Variants in CREB3L2 observed in about 807,000 individuals in gnomAD.
CREB3L2 encodes cAMP responsive element binding protein 3 like 2, also known as cyclic AMP-responsive element-binding protein 3-like protein 2.
In CREB3L2, 23 loss-of-function variants were observed where a neutral mutation model predicts 57.2. The observed-to-expected ratio is 0.40, with a 90% CI of 0.29 to 0.57. The LOEUF is 0.57. Among genes scored for constraint, CREB3L2 ranks in the 20% least tolerant of loss-of-function variants. The pLI is 0.42. For synonymous variants in CREB3L2, 268 were observed against 265.1 expected, an observed-to-expected ratio of 1.01 and a Z score of -0.11; for missense variants, 628 against 634.7, an observed-to-expected ratio of 0.99 and a Z score of 0.11.
chr7:137,877,449 T>C lies in CREB3L2; in HGVS notation c.*3027A>G, dbSNP rs887924890. The C allele has an allele frequency of 1.1e-4, 26 of 226,384 alleles. No individual in the cohort carries two copies. The highest frequency in any genetic ancestry group is 1.3e-3 in the Middle Eastern group (1 of 776). 14.0% of individuals were successfully genotyped at this position (226,384 alleles called of 1,614,324 possible). On this transcript the variant is annotated 3_prime_UTR_variant, in exon 12 of 12. Coordinates refer to ENST00000330387, the MANE Select transcript of CREB3L2 (RefSeq NM_194071.4). ...CTTCACAGAAATTCTTTCTTAAAAC[T>C]GGCACTGCAGCCTTTCATTTACAAT...
intron 1 of CREB3L2, among the ~76,000 whole-genome samples, chr7:137,996,576 G>A (rs1050297240): frequency 5.3e-5 from 8 of 152,272 alleles, no homozygotes; most frequent in South Asian, 2.1e-4. Context: ...CTTCAATATC[G>A]CATTGAAATC....
intron 1 of CREB3L2, among the ~76,000 whole-genome samples, chr7:137,935,642 A>G (rs772354155): frequency 6.6e-6 from 1 of 152,166 alleles, no homozygotes; most frequent in Non-Finnish European, 1.5e-5. Flanking sequence ...CAGATCAGAG[A>G]TCATAGATCG....
intron 1 of CREB3L2, among the ~76,000 whole-genome samples, chr7:137,995,339 T>TTTTTTTC (rs1219750640): frequency 8.1e-6 from 1 of 123,222 alleles, no homozygotes; most frequent in African/African-American, 3.1e-5. Context: ...CTTTCTTTTT[T>TTTTTTTC]TTTTTTTTTT....
chr7:137,885,257 G>T, intron 9 of CREB3L2, 136 bp from the exon 10 acceptor site: 1 of 1,190,892 alleles, frequency 8.4e-7, no homozygotes, highest in Non-Finnish European at 1.2e-6. Flanking sequence ...CATCACCAGA[G>T]TGCCTCACCG....
intron 1 of CREB3L2, among the ~76,000 whole-genome samples, chr7:137,933,308 C>T (rs1800698457): frequency 6.6e-6 from 1 of 152,222 alleles, no homozygotes; most frequent in Non-Finnish European, 1.5e-5. Flanking sequence ...TCCCGATCTG[C>T]TGTGCTGGCC....
intron 1 of CREB3L2, among the ~76,000 whole-genome samples, chr7:137,954,528 C>G (rs1801169729): frequency 6.6e-6 from 1 of 152,184 alleles, no homozygotes; most frequent in South Asian, 2.1e-4. Context: ...TCATCAGGAG[C>G]ACTGCAGGCA....
At chr7:137,956,905 G>A (rs1178562512) in intron 1 of CREB3L2, among the ~76,000 whole-genome samples, 1 of 152,214 alleles carries the variant, frequency 6.6e-6, no homozygotes, top group Non-Finnish European at 1.5e-5. Context: ...AATTAACCCA[G>A]TAGTGAAGAG....
At chr7:137,930,348 C>T (rs1030160385) in intron 1 of CREB3L2, among the ~76,000 whole-genome samples, 1 of 152,174 alleles carries the variant, frequency 6.6e-6, no homozygotes, top group Non-Finnish European at 1.5e-5. Context: ...AGAAAGCAGA[C>T]ACAGCAATAA....
intron 1 of CREB3L2, among the ~76,000 whole-genome samples, chr7:137,984,513 G>A (rs1426643994): frequency 6.6e-6 from 1 of 152,230 alleles, no homozygotes; most frequent in African/African-American, 2.4e-5. Context: ...GAAGGGCCCC[G>A]TTGGCCCTGA....
intron 4 of CREB3L2, 143 bp downstream of exon 4, chr7:137,912,848 A>AT (rs750228624): frequency 6.5e-7 from 1 of 1,529,556 alleles, no homozygotes; most frequent in South Asian, 1.2e-5. Flanking sequence ...CAAAATTTTT[A>AT]TTTTTTAAGA....
At chr7:137,924,380 A>G (rs1261734990) in intron 2 of CREB3L2, among the ~76,000 whole-genome samples, 1 of 152,238 alleles carries the variant, frequency 6.6e-6, no homozygotes, top group East Asian at 1.9e-4. Context: ...GCCCTCATCC[A>G]GCACTAGTTT....
chr7:137,962,180 A>G (rs1293963155), intron 1 of CREB3L2, among the ~76,000 whole-genome samples: 1 of 152,188 alleles, frequency 6.6e-6, no homozygotes, highest in Non-Finnish European at 1.5e-5. Context: ...AAACTCATGA[A>G]GCAGCACAGA....
chr7:137,950,202 G>A (rs925183161), intron 1 of CREB3L2, among the ~76,000 whole-genome samples: 1 of 152,322 alleles, frequency 6.6e-6, no homozygotes, highest in Non-Finnish European at 1.5e-5. Context: ...TGGTGAAAAT[G>A]TGGGTGGTTT....
chr7:137,916,293 C>A (rs1292808359), intron 2 of CREB3L2, among the ~76,000 whole-genome samples: 1 of 151,972 alleles, frequency 6.6e-6, no homozygotes, highest in Non-Finnish European at 1.5e-5. Context: ...CAGGAAGAAA[C>A]CTGGGTTGAT....
chr7:137,983,447 A>G (rs1801742708), intron 1 of CREB3L2, among the ~76,000 whole-genome samples: 1 of 152,186 alleles, frequency 6.6e-6, no homozygotes, highest in Non-Finnish European at 1.5e-5. Flanking sequence ...AAATCTGGCT[A>G]ACTTAATACT....
chr7:137,942,601 T>C (rs1011492079), intron 1 of CREB3L2, among the ~76,000 whole-genome samples: 1 of 152,162 alleles, frequency 6.6e-6, no homozygotes, highest in Non-Finnish European at 1.5e-5. Flanking sequence ...CACGAGGCCA[T>C]AATATTCTCT....
chr7:137,945,417 G>A (rs1472971880), intron 1 of CREB3L2, among the ~76,000 whole-genome samples: 1 of 152,210 alleles, frequency 6.6e-6, no homozygotes, highest in African/African-American at 2.4e-5. Context: ...TGAATTGCGT[G>A]AGACCTGGTT....
intron 2 of CREB3L2, among the ~76,000 whole-genome samples, chr7:137,927,776 GTTCTTTCTCAGAAAAAAAAAAAAAAAT>G (rs1800506496): frequency 3.7e-5 from 4 of 109,574 alleles, no homozygotes; most frequent in South Asian, 2.9e-4. Flanking sequence ...TAGAGGAATA[GTTCTTTCTCAGAAAAAAAAAAAAAAAT>G]GGCATGACCC....
intron 1 of CREB3L2, among the ~76,000 whole-genome samples, chr7:137,944,198 G>A (rs1022553128): frequency 3.3e-5 from 5 of 152,070 alleles, no homozygotes; most frequent in Admixed American, 1.3e-4. Flanking sequence ...TTTTGCCACC[G>A]GGAGCCCATT....
Sources: allele counts gnomAD v4.1 joint callset (sites outside exome capture counted in the v4.1 genomes callset), GRCh38; gene constraint gnomAD v4.1.1; transcripts MANE v1.5; gene names NCBI Gene and HGNC (gene_info 2026-07-23, HGNC 2026-07-21).